The following THRA variants were observed in gnomAD, a reference collection of about 807,000 sequenced individuals.
THRA encodes thyroid hormone receptor alpha.
A neutral mutation model predicts 45.0 loss-of-function variants in THRA; 13 were observed. That is an observed-to-expected ratio of 0.29 (90% CI 0.19 to 0.46). THRA has a LOEUF of 0.46. THRA is among the 20% of genes least tolerant of loss of function. THRA has a pLI of 1.00. For synonymous variants in THRA, 195 were observed against 214.0 expected (o/e 0.91, Z 0.78); for missense variants, 278 against 556.1 (o/e 0.50, Z 5.03).
rs758633312 is a variant in THRA, at chr17:40,089,203, C to T, written c.983-3C>T. The T allele has an allele frequency of 6.2e-7, 1 of 1,613,650 alleles. No homozygotes were observed. Among genetic ancestry groups the T allele is most frequent in the Non-Finnish European group, 8.5e-7 (1 of 1,179,900 alleles). On this transcript the variant is annotated splice_region_variant and splice_polypyrimidine_tract_variant and intron_variant, in intron 8 of 8. Transcript: ENST00000450525. This position sits in a 1 kb window ranked among gnomAD's most constrained non-coding sequence, Gnocchi z 6.1. ...CGCCCCTCACGCCCCTCTTCCCTCACAGACCGCTCGGGCCTGCTGTGTGTG... is the reference window on the plus strand; with the variant it reads ...CGCCCCTCACGCCCCTCTTCCCTCATAGACCGCTCGGGCCTGCTGTGTGTG...
rs147391456 is a variant in THRA, at chr17:40,073,028, C to T, written c.-297-1164C>T. Among the ~76,000 whole-genome samples, 1,117 of 152,334 alleles carry T rather than the reference C, an allele frequency of 7.3e-3. 4 individuals carry two copies. Among genetic ancestry groups the T allele is most frequent in the Non-Finnish European group, 0.011 (738 of 68,026 alleles). On this transcript the variant is annotated intron_variant, in intron 1 of 8. Transcript: ENST00000450525. ...CCAGCTTGCCTGGGTGCAGAGGCCC[C>T]GTTCTGCTGCTGGCCCTGCCCAATC...
downstream of THRA, chr17:40,093,179 G>A: frequency 3.7e-6 from 6 of 1,613,954 alleles, no homozygotes; most frequent in South Asian, 6.6e-5. The surrounding 1 kb of genome is among the most constrained non-coding windows in gnomAD (Gnocchi z 5.9). Flanking sequence ...TGGTGAAGCG[G>A]GAAGTCTCCA....
chr17:40,093,314 T>C (rs201907765), downstream of THRA: 1 of 1,613,246 alleles, frequency 6.2e-7, no homozygotes. The surrounding 1 kb of genome is among the most constrained non-coding windows in gnomAD (Gnocchi z 5.9). Flanking sequence ...TGAGGCGGAC[T>C]CCCCGAGCTC....
Position 40,074,538 on chromosome 17 carries a change from A to G in THRA, c.50A>G (p.Asn17Ser). 6.2e-7 allele frequency: 1 copy of G among 1,614,104 alleles called. No homozygotes were observed. The change falls in exon 2 of 9, where the codon AAC (asparagine) becomes AGC (serine). Residue 17 changes from asparagine to serine, a missense_variant. Asn to Ser is a conservative substitution (Grantham distance 46). Transcript: ENST00000450525. Reference sequence around the variant, plus strand: ...GAGTGTGGGTCAGACCCAGAGGAGAACAGGTAATGGGTTCAGCAACTAGGT... The same window carrying G: ...GAGTGTGGGTCAGACCCAGAGGAGAGCAGGTAATGGGTTCAGCAACTAGGT... The part of the protein sequence containing the change: ...KVECGSDPEE[N>S]SARSPDGKRK...
intron 6 of THRA, 75 bp from the exon 7 acceptor site, chr17:40,086,632 C>G (rs1987328436): frequency 6.4e-7 from 1 of 1,561,894 alleles, no homozygotes; most frequent in African/African-American, 1.4e-5. Flanking sequence ...TGGAGCTCCC[C>G]CTGGTGGGCA....
chr17:40,066,993 G>A (rs187171965), intron 1 of THRA, among the ~76,000 whole-genome samples: 157 of 152,290 alleles, frequency 1.0e-3, no homozygotes, highest in African/African-American at 3.7e-3. Flanking sequence ...GGAAGCTGTG[G>A]GCCTGGGGTC....
intron 7 of THRA, chr17:40,087,099 CACAT>C: frequency 1.9e-6 from 1 of 514,284 alleles, no homozygotes; most frequent in Non-Finnish European, 3.5e-6. Context: ...TACACAGACA[CACAT>C]ACACACACAC....
intron 1 of THRA, among the ~76,000 whole-genome samples, chr17:40,069,994 AG>A (rs1427094160): frequency 6.8e-6 from 1 of 148,002 alleles, no homozygotes; most frequent in African/African-American, 2.5e-5. Context: ...TCTGACCTGC[AG>A]GGGGGGTTTC....
chr17:40,071,275 G>A (rs1163887761), intron 1 of THRA, among the ~76,000 whole-genome samples: 2 of 152,234 alleles, frequency 1.3e-5, no homozygotes, highest in Admixed American at 1.3e-4. Context: ...GGTAGTATTG[G>A]GGGTTAGATC....
intron 1 of THRA, among the ~76,000 whole-genome samples, chr17:40,072,909 C>T (rs1156490952): frequency 6.6e-6 from 1 of 152,190 alleles, no homozygotes. Flanking sequence ...ACCCCAGTCT[C>T]CTGTCCAGCC....
intron 4 of THRA, among the ~76,000 whole-genome samples, chr17:40,082,410 T>C (rs1163414506): frequency 2.0e-5 from 3 of 151,600 alleles, no homozygotes; most frequent in Non-Finnish European, 4.4e-5. Context: ...TTTTTTGAGA[T>C]GAAGTCTCAC....
At chr17:40,063,572 G>C (rs1471616678) in intron 1 of THRA, among the ~76,000 whole-genome samples, 3 of 152,188 alleles carry the variant, frequency 2.0e-5, no homozygotes, top group Non-Finnish European at 4.4e-5. Flanking sequence ...CGGTGGCGCG[G>C]GTGGGCTTGC....
In THRA at chr17:40,092,891, G is replaced by A. The variant is rs1555545537; in HGVS notation, c.*3435G>A. On this transcript the variant is annotated 3_prime_UTR_variant, in exon 9 of 9. Transcript: ENST00000450525. Reference sequence around the variant, plus strand: ...AGAGTGGTTTAAATAGGGGAGGAGGGGAAGTTCGGTGATGGGGGAGGGAGG... The same window carrying A: ...AGAGTGGTTTAAATAGGGGAGGAGGAGAAGTTCGGTGATGGGGGAGGGAGG... The A allele has an allele frequency of 5.2e-6, 7 of 1,349,068 alleles. No individual in the cohort carries two copies. The highest frequency in any genetic ancestry group is 7.0e-6 in the Non-Finnish European group (7 of 1,004,190). The allele number at this position is 1,349,068 out of a possible 1,614,324, so 83.6% of individuals were successfully genotyped here. A position where few individuals can be genotyped will look rare whatever the true frequency, so the allele number is the denominator to read the frequency against.
At chr17:40,093,234 G>C (rs201684407), downstream of THRA, 5 of 1,613,688 alleles carry the variant, frequency 3.1e-6, no homozygotes, top group Non-Finnish European at 4.2e-6. The surrounding 1 kb of genome is among the most constrained non-coding windows in gnomAD (Gnocchi z 5.9). Flanking sequence ...CCGCAGCAGC[G>C]TCTCCTGGAG....
At chr17:40,063,920 G>C (rs1369582057) in intron 1 of THRA, among the ~76,000 whole-genome samples, 2 of 151,832 alleles carry the variant, frequency 1.3e-5, no homozygotes, top group African/African-American at 2.4e-5. Flanking sequence ...CAGGGGTGGG[G>C]GTGGGGGACA....
intron 4 of THRA, among the ~76,000 whole-genome samples, chr17:40,078,789 T>C (rs1482334437): frequency 7.0e-6 from 1 of 142,638 alleles, no homozygotes; most frequent in Non-Finnish European, 1.5e-5. Flanking sequence ...TGGAGTGCAA[T>C]GGTGTGATCT....
chr17:40,075,891 G>T (rs1477715946), intron 2 of THRA, among the ~76,000 whole-genome samples: 1 of 152,244 alleles, frequency 6.6e-6, no homozygotes, highest in Non-Finnish European at 1.5e-5. Context: ...GCATAGGGTT[G>T]TCTGTGACTG....
chr17:40,072,856 C>A (rs1040048783), intron 1 of THRA, among the ~76,000 whole-genome samples: 1 of 152,202 alleles, frequency 6.6e-6, no homozygotes, highest in African/African-American at 2.4e-5. Context: ...GACCTACTTT[C>A]TTGATGGCTC....
chr17:40,078,945 T>C (rs1452478933), intron 4 of THRA, among the ~76,000 whole-genome samples: 2 of 152,096 alleles, frequency 1.3e-5, no homozygotes, highest in Non-Finnish European at 2.9e-5. Context: ...TTGACCAGGA[T>C]GGTCTTGATC....
Sources: gnomAD v4.1 joint callset for allele counts (sites outside exome capture counted in the v4.1 genomes callset) on GRCh38, gnomAD v4.1.1 for gene constraint, Gnocchi (gnomAD v3.1) non-coding constraint, MANE v1.5 for transcripts, NCBI Gene and HGNC (gene_info 2026-07-23, HGNC 2026-07-21) for gene names.